Variants in ZNF48 observed in about 807,000 individuals in gnomAD.
The protein encoded by ZNF48 is zinc finger protein 553.
Under a neutral mutation model 40.0 loss-of-function variants are expected in ZNF48, and 20 were observed. The observed-to-expected ratio is 0.50, with a 90% CI of 0.35 to 0.73. The LOEUF (loss-of-function observed/expected upper bound fraction) is 0.73. Ranked by LOEUF, ZNF48 falls within the 30% of genes least tolerant of loss-of-function variation. The probability of loss-of-function intolerance (pLI) is 0.01; values close to 1 mark genes in which losing one functional copy is unlikely to be tolerated. For synonymous variants in ZNF48, 298 were observed against 329.7 expected, an observed-to-expected ratio of 0.90 and a Z score of 1.04; for missense variants, 726 against 851.9, an observed-to-expected ratio of 0.85 and a Z score of 1.84.
intron 1 of ZNF48, among the ~76,000 whole-genome samples, chr16:30,384,592 G>T (rs530709749): frequency 1.3e-5 from 2 of 151,560 alleles, no homozygotes; most frequent in Non-Finnish European, 2.9e-5. Context: ...ATCTGGAAAG[G>T]GGGGCTGGGT....
chr16:30,398,491 C>T lies in ZNF48; in HGVS notation c.1241C>T (p.Pro414Leu). Residue 414 changes from proline (P) to leucine (L), a missense_variant, in exon 3 of 3, where the codon CCT (proline) becomes CTT (leucine). Physicochemically the swap from Pro to Leu is moderately conservative, Grantham distance 98 (BLOSUM62 -3). Transcript: ENST00000613509. This position sits in a 1 kb window ranked among gnomAD's most constrained non-coding sequence, Gnocchi z 6.6. The part of the protein sequence containing the change: ...PPLGTSPPLT[P>L]RSPSHSGEPF... ...CTGGGCACCAGCCCCCCGCTGACAC[C>T]TCGAAGTCCCTCACACTCGGGTGAG... 1.3e-6 allele frequency: 2 copies of T among 1,588,364 alleles called. No individual in the cohort carries two copies. The highest frequency in any genetic ancestry group is 1.7e-6 in the Non-Finnish European group (2 of 1,165,908).
chr16:30,396,877 A>C (rs2049989233), intron 2 of ZNF48, among the ~76,000 whole-genome samples: 1 of 151,236 alleles, frequency 6.6e-6, no homozygotes, highest in Non-Finnish European at 1.5e-5. Context: ...TTTTTTGTAG[A>C]GTTAGGGTCT....
rs146351481 is a variant in ZNF48, at chr16:30,381,787, A to C, written c.-16+3377A>C. The stretch of plus-strand genomic sequence containing the variant: ...GTCAGAGCAGTCCACTGAGTCCCCA[A>C]AGCCAGGTGTGTCCACAAGGGTCAG... On this transcript the variant is annotated intron_variant, in intron 1 of 2. Transcript: ENST00000528032. This position sits in a 1 kb window ranked among gnomAD's most constrained non-coding sequence, Gnocchi z 4.3. The C allele has an allele frequency of 5.6e-5, 90 of 1,613,894 alleles. No individual in the cohort carries two copies. Among genetic ancestry groups the C allele is most frequent in the Non-Finnish European group, 7.5e-5 (88 of 1,180,000 alleles).
intron 1 of ZNF48, among the ~76,000 whole-genome samples, chr16:30,383,254 T>C (rs2049873428): frequency 6.6e-6 from 1 of 152,162 alleles, no homozygotes; most frequent in South Asian, 2.1e-4. Context: ...AGTGGCGCCA[T>C]CTCGGCTCAC....
chr16:30,379,072 G>A, intron 1 of ZNF48: 1 of 1,614,044 alleles, frequency 6.2e-7, no homozygotes, highest in East Asian at 2.2e-5. Flanking sequence ...TAGGCAGCGG[G>A]CCCGGTAGCC....
chr16:30,399,139 C>A lies in ZNF48; in HGVS notation c.*32C>A. The A allele has an allele frequency of 6.6e-7, 1 of 1,520,216 alleles. No homozygotes were observed. The highest frequency in any genetic ancestry group is 8.8e-7 in the Non-Finnish European group (1 of 1,135,014). 94.2% of individuals were successfully genotyped at this position (1,520,216 alleles called of 1,614,324 possible). ...CCAGGGAGGGCGGAGGCCCAGGAGA[C>A]CAAAGGGAGGGGCTCTGCCGCTTAG... On this transcript the variant is annotated 3_prime_UTR_variant, in exon 3 of 3. Transcript: ENST00000613509.
At chr16:30,379,106 C>A (rs751951608) in intron 1 of ZNF48, 90 of 1,614,006 alleles carry the variant, frequency 5.6e-5, no homozygotes, top group Non-Finnish European at 7.0e-5. Context: ...TCGTGCGTCA[C>A]CTCTTTCAGG....
At chr16:30,392,502 T>C (rs1238334634), upstream of ZNF48, among the ~76,000 whole-genome samples, 1 of 152,180 alleles carries the variant, frequency 6.6e-6, no homozygotes, top group Non-Finnish European at 1.5e-5. Context: ...CAGCCCCCAC[T>C]GCCTGGAGTT....
rs940994443 is a variant in ZNF48, at chr16:30,382,875, T to C, written c.-16+4465T>C. ...GGAGATGAAGGTTTTGATGAGCTGA[T>C]TAGAAAACAGTTCCCAGGACGGGCA... On this transcript the variant is annotated intron_variant, in intron 1 of 2. Transcript: ENST00000528032. The surrounding 1 kb of genome is among the most constrained non-coding windows in gnomAD (Gnocchi z 4.8). 2 of 1,239,090 alleles carry C rather than the reference T, an allele frequency of 1.6e-6. No individual in the cohort carries two copies. Among genetic ancestry groups the C allele is most frequent in the African/African-American group, 3.0e-5 (2 of 67,132 alleles). The allele number at this position is 1,239,090 out of a possible 1,614,324, so 76.8% of individuals were successfully genotyped here. A position where few individuals can be genotyped will look rare whatever the true frequency, so the allele number is the denominator to read the frequency against.
intron 1 of ZNF48, chr16:30,379,295 G>T: frequency 6.8e-7 from 1 of 1,477,900 alleles, no homozygotes; most frequent in Non-Finnish European, 9.3e-7. Context: ...GAGGGTCCGC[G>T]GTCTGCAGCC....
intron 1 of ZNF48, chr16:30,378,474 T>G (rs1246698502): frequency 6.3e-7 from 1 of 1,575,494 alleles, no homozygotes; most frequent in Admixed American, 1.9e-5. Context: ...CTGGCTCTGC[T>G]GCATTTGGGC....
chr16:30,379,567 C>T (rs1449661238), intron 1 of ZNF48: 1 of 1,529,540 alleles, frequency 6.5e-7, no homozygotes, highest in Non-Finnish European at 9.0e-7. Context: ...TCACCATTGG[C>T]TCACACGGCA....
Position 30,381,379 on chromosome 16 carries a change from C to T in ZNF48, c.-16+2969C>T. ...GAGATGAAGTAGAGGCAGCAGTGGA[C>T]TCGGGAGTCCTGGATGTTCTTCCGG... On this transcript the variant is annotated intron_variant, in intron 1 of 2. Coordinates refer to the ZNF48 transcript ENST00000528032. This position sits in a 1 kb window ranked among gnomAD's most constrained non-coding sequence, Gnocchi z 4.3. 6.2e-7 allele frequency: 1 copy of T among 1,613,474 alleles called. No homozygotes were observed. The highest frequency in any genetic ancestry group is 8.5e-7 in the Non-Finnish European group (1 of 1,179,864).
Position 30,381,131 on chromosome 16 carries a change from T to C in ZNF48, c.-16+2721T>C, listed in dbSNP as rs764854188. 6.2e-7 allele frequency: 1 copy of C among 1,612,852 alleles called. No homozygotes were observed. The highest frequency in any genetic ancestry group is 8.5e-7 in the Non-Finnish European group (1 of 1,178,836). On this transcript the variant is annotated intron_variant, in intron 1 of 2. Transcript: ENST00000528032. The surrounding 1 kb of genome is among the most constrained non-coding windows in gnomAD (Gnocchi z 4.3). Reference sequence around the variant, plus strand: ...GTCAGAGGTCATCACTCACACCTTCTGCTTGAGGGCCTGGGTTTCCTGGGG... The same window carrying C: ...GTCAGAGGTCATCACTCACACCTTCCGCTTGAGGGCCTGGGTTTCCTGGGG...
rs781504789 is a variant in ZNF48 at position 30,382,482 on chromosome 16, G to A, written c.-16+4072G>A. On this transcript the variant is annotated intron_variant, in intron 1 of 2. Transcript: ENST00000528032. The surrounding 1 kb of genome is among the most constrained non-coding windows in gnomAD (Gnocchi z 4.8). ...GGGTCTGGGGACCCCAGGCATGGGG[G>A]CTGGGGGCCGAGATGCCCAGGTTTC... 5.0e-6 allele frequency: 8 copies of A among 1,585,946 alleles called. No individual in the cohort carries two copies. The highest frequency in any genetic ancestry group is 4.5e-5 in the South Asian group (4 of 89,200).
chr16:30,378,745 A>C (rs774095793), intron 1 of ZNF48: 1 of 1,546,966 alleles, frequency 6.5e-7, no homozygotes, highest in Admixed American at 1.8e-5. Context: ...GCGGGACCTG[A>C]GGTTGTGGGT....
chr16:30,398,726 A>G lies in ZNF48; in HGVS notation c.1476A>G (p.Ser492=). ...PECGKGFADS[S]ARVKHLRTHR... ...GCGGCAAGGGTTTTGCTGACAGCTC[A>G]GCCCGAGTCAAGCACCTCCGCACCC... Residue 492 remains serine, a synonymous_variant, in exon 3 of 3, where the codon TCA becomes TCG. Transcript: ENST00000613509. This position sits in a 1 kb window ranked among gnomAD's most constrained non-coding sequence, Gnocchi z 6.6. 1 of 1,609,838 alleles carries G rather than the reference A, an allele frequency of 6.2e-7. No homozygotes were observed. Among genetic ancestry groups the G allele is most frequent in the Non-Finnish European group, 8.5e-7 (1 of 1,178,574 alleles).
chr16:30,397,364 T>C lies in ZNF48; in HGVS notation c.114T>C (p.Asn38=). The change falls in exon 3 of 3, where the codon AAT becomes AAC. Residue 38 remains asparagine (N), a synonymous_variant. Coordinates refer to ENST00000613509, the MANE Select transcript of ZNF48 (RefSeq NM_001214909.2). The surrounding 1 kb of genome is among the most constrained non-coding windows in gnomAD (Gnocchi z 4.1). ...LGSENVISQP[N]EFEHTPQEDD... ...GTGAGAACGTGATTTCTCAGCCGAA[T>C]GAGTTTGAACATACCCCACAGGAAG... The C allele has an allele frequency of 6.2e-7, 1 of 1,613,818 alleles. No homozygotes were observed. The highest frequency in any genetic ancestry group is 8.5e-7 in the Non-Finnish European group (1 of 1,179,864).
chr16:30,394,304 T>C (rs1386455028), upstream of ZNF48, among the ~76,000 whole-genome samples: 2 of 152,208 alleles, frequency 1.3e-5, no homozygotes, highest in Non-Finnish European at 2.9e-5. Flanking sequence ...ACTAAGATGC[T>C]AATAAATGTG....
Sources: gnomAD v4.1 joint callset for allele counts (sites outside exome capture counted in the v4.1 genomes callset) on GRCh38, gnomAD v4.1.1 for gene constraint, Gnocchi (gnomAD v3.1) non-coding constraint, MANE v1.5 for transcripts, NCBI Gene and HGNC (gene_info 2026-07-23, HGNC 2026-07-21) for gene names.